Variants in PRDM15 observed in about 807,000 individuals in gnomAD.
PRDM15 encodes PR domain zinc finger protein 15.
A neutral mutation model predicts 128.6 loss-of-function variants in PRDM15; 64 were observed. That is an observed-to-expected ratio of 0.50 (90% CI 0.41 to 0.61). The LOEUF (loss-of-function observed/expected upper bound fraction) is 0.61, where lower values mean the gene tolerates loss of function less well. PRDM15 is among the 20% of genes least tolerant of loss of function. PRDM15 has a pLI of 0.00. For synonymous variants in PRDM15, 615 were observed against 621.8 expected (o/e 0.99, Z 0.16); for missense variants, 1,242 against 1,569.1 (o/e 0.79, Z 3.52).
At position 41,859,155 on chromosome 21, in the gene PRDM15, C is replaced by T. The variant is rs753312250; in HGVS notation, c.131+437G>A. 6.2e-7 allele frequency: 1 copy of T among 1,613,660 alleles called. No individual in the cohort carries two copies. Among genetic ancestry groups the T allele is most frequent in the Non-Finnish European group, 8.5e-7 (1 of 1,179,986 alleles). ...GCTTCTGGAAGCTGCTGTGGGTCAGCCCTGTCCCTGTCCTCATAACCCCGC... is the reference window on the plus strand; with the variant it reads ...GCTTCTGGAAGCTGCTGTGGGTCAGTCCTGTCCCTGTCCTCATAACCCCGC... On this transcript the variant is annotated intron_variant, in intron 3 of 23. Transcript: ENST00000398548. This position sits in a 1 kb window ranked among gnomAD's most constrained non-coding sequence, Gnocchi z 5.3.
Position 41,811,236 on chromosome 21 carries a change from A to G in PRDM15, c.2393-400T>C, listed in dbSNP as rs147483246. 73 of 191,380 alleles carry G rather than the reference A, an allele frequency of 3.8e-4. No homozygotes were observed. In the Middle Eastern group the frequency reaches 0.012, roughly 32 times the overall value. 11.9% of individuals were successfully genotyped at this position (191,380 alleles called of 1,614,324 possible). A position where few individuals can be genotyped will look rare whatever the true frequency, so the allele number is the denominator to read the frequency against. Reference sequence around the variant, plus strand: ...GAGAGAGGAAATGGTAACTGAAATCAGGACCAATGGCAAGGAGGACACAGA... The same window carrying G: ...GAGAGAGGAAATGGTAACTGAAATCGGGACCAATGGCAAGGAGGACACAGA... On this transcript the variant is annotated intron_variant, in intron 19 of 23. Coordinates refer to ENST00000398548, the MANE Select transcript of PRDM15 (RefSeq NM_001040424.3). This position sits in a 1 kb window ranked among gnomAD's most constrained non-coding sequence, Gnocchi z 4.1.
chr21:41,860,468 G>A (rs949545334), intron 1 of PRDM15, 96 bp from the exon 2 acceptor site: 8 of 1,051,022 alleles, frequency 7.6e-6, no homozygotes, highest in Non-Finnish European at 1.2e-5. Context: ...GCCCAGGATA[G>A]ATAGAGTACA....
At position 41,854,566 on chromosome 21, in the gene PRDM15, C is replaced by G. The variant is rs770085346; in HGVS notation, c.538G>C (p.Ala180Pro). ...MLKQAGSGVH[A>P]AGTPENSAPV... The stretch of plus-strand genomic sequence containing the variant: ...CTCCGGATCGGGGGCCGCCACATAC[C>G]GTGGACGCCAGAGCCGGCCTGCTTC... Residue 180 changes from alanine to proline, a missense_variant and splice_region_variant, in exon 5 of 24, where the codon GCT becomes CCT. Physicochemically the swap from Ala to Pro is conservative, Grantham distance 27. Around this residue, in one of 3 missense-constraint regions of PRDM15, gnomAD observed 612 missense variants for 717.0 expected, o/e 0.85. Transcript: ENST00000398548. This position sits in a 1 kb window ranked among gnomAD's most constrained non-coding sequence, Gnocchi z 4.6. 2.5e-6 allele frequency: 4 copies of G among 1,612,818 alleles called. No homozygotes were observed. The highest frequency in any genetic ancestry group is 3.3e-5 in the Admixed American group (2 of 60,024).
In PRDM15 at chr21:41,837,969, C is replaced by T; in HGVS notation, c.966G>A (p.Leu322=). The change falls in exon 8 of 24, where the codon CTG becomes CTA. Residue 322 remains leucine, a synonymous_variant. Transcript: ENST00000398548. The part of the protein sequence containing the change: ...ERIMELVLGK[L]ATTTTDTSSV... Reference sequence around the variant, plus strand: ...AGCTGGTGTCAGTGGTGGTGGTGGCCAGCTTCCCCAGAACCAGCTCCATGA... The same window carrying T: ...AGCTGGTGTCAGTGGTGGTGGTGGCTAGCTTCCCCAGAACCAGCTCCATGA... 1.2e-6 allele frequency: 2 copies of T among 1,614,198 alleles called. No homozygotes were observed.
At chr21:41,858,370 T>G (rs1268170788) in intron 3 of PRDM15, among the ~76,000 whole-genome samples, 8 of 133,796 alleles carry the variant, frequency 6.0e-5, no homozygotes, top group South Asian at 2.5e-4. Flanking sequence ...AGGCGGACAT[T>G]GGGTGCCCAG....
At chr21:41,805,266 G>A (rs920146112) in intron 21 of PRDM15, among the ~76,000 whole-genome samples, 5 of 152,162 alleles carry the variant, frequency 3.3e-5, no homozygotes, top group Non-Finnish European at 5.9e-5. Flanking sequence ...GACCTAATTA[G>A]ATCATAAGAA....
In PRDM15 at chr21:41,854,778, G is replaced by A. The variant is rs1568991386; in HGVS notation, c.326C>T (p.Ser109Phe). 1 of 1,609,190 alleles carries A rather than the reference G, an allele frequency of 6.2e-7. No homozygotes were observed. The highest frequency in any genetic ancestry group is 8.5e-7 in the Non-Finnish European group (1 of 1,176,344). ...KDGHPVCFDT[S>F]NEDDCNWMML... Reference sequence around the variant, plus strand: ...CATCCAGTTGCAGTCATCCTCGTTGGAGGTGTCGAAGCACACGGGGTGCCC... The same window carrying A: ...CATCCAGTTGCAGTCATCCTCGTTGAAGGTGTCGAAGCACACGGGGTGCCC... The change falls in exon 5 of 24, where the codon TCC (serine) becomes TTC (phenylalanine). Residue 109 changes from serine (S) to phenylalanine (F), a missense_variant. Around this residue, in one of 3 missense-constraint regions of PRDM15, gnomAD observed 612 missense variants for 717.0 expected, o/e 0.85. Coordinates refer to ENST00000398548, the MANE Select transcript of PRDM15 (RefSeq NM_001040424.3). The surrounding 1 kb of genome is among the most constrained non-coding windows in gnomAD (Gnocchi z 4.6).
intron 1 of PRDM15, chr21:41,871,725 C>G (rs1601490938): frequency 7.8e-7 from 1 of 1,282,212 alleles, no homozygotes; most frequent in Non-Finnish European, 1.1e-6. Flanking sequence ...TCTGTTGTTA[C>G]CACTGACAGC....
intron 1 of PRDM15, among the ~76,000 whole-genome samples, chr21:41,874,525 A>ATATTTTTTTTTTTTTT: frequency 1.0e-5 from 1 of 95,816 alleles, no homozygotes; most frequent in South Asian, 4.0e-4. Flanking sequence ...ATATATATAT[A>ATATTTTTTTTTTTTTT]TTTTTTTTTT....
intron 1 of PRDM15, among the ~76,000 whole-genome samples, chr21:41,874,525 A>ATATATATATATT: frequency 9.4e-5 from 9 of 95,816 alleles, no homozygotes; most frequent in South Asian, 8.0e-4. Context: ...ATATATATAT[A>ATATATATATATT]TTTTTTTTTT....
At position 41,815,670 on chromosome 21, in the gene PRDM15, C is replaced by T. The variant is rs370330787; in HGVS notation, c.2392+35G>A. ...CCACCTGGCTTCCCTACACAGTGAG[C>T]GCCGTGGCTGGCGCGGCCCGGGCCT... On this transcript the variant is annotated intron_variant, in intron 19 of 23. Coordinates refer to ENST00000398548, the MANE Select transcript of PRDM15 (RefSeq NM_001040424.3). 90 of 1,608,200 alleles carry T rather than the reference C, an allele frequency of 5.6e-5. No homozygotes were observed. In the African/African-American group the frequency reaches 6.5e-4, roughly 12 times the overall value.
At chr21:41,815,608 G>A (rs2062021590) in intron 19 of PRDM15, 97 bp downstream of exon 19, 10 of 1,497,408 alleles carry the variant, frequency 6.7e-6, no homozygotes, top group Non-Finnish European at 9.0e-6. Context: ...ATCACAAAGA[G>A]GAATCGTCTC....
chr21:41,840,442 C>CAAAAAAAAAAAAAAAAAAAAAAAAAA, intron 6 of PRDM15, among the ~76,000 whole-genome samples: 1 of 91,150 alleles, frequency 1.1e-5, no homozygotes, highest in Non-Finnish European at 2.2e-5. Flanking sequence ...AAGACTGTCT[C>CAAAAAAAAAAAAAAAAAAAAAAAAAA]AAAAAAAAAA....
Position 41,823,437 on chromosome 21 carries a change from G to A in PRDM15, c.1642C>T (p.Arg548Trp). 3.9e-6 allele frequency: 6 copies of A among 1,552,492 alleles called. No individual in the cohort carries two copies. The highest frequency in any genetic ancestry group is 1.7e-4 in the Middle Eastern group (1 of 5,950). The change falls in exon 14 of 24, where the codon CGG (arginine) becomes TGG (tryptophan). Residue 548 changes from arginine to tryptophan, a missense_variant. Around this residue, in one of 3 missense-constraint regions of PRDM15, gnomAD observed 28 missense variants for 63.8 expected, o/e 0.44. Coordinates refer to ENST00000398548, the MANE Select transcript of PRDM15 (RefSeq NM_001040424.3). ...CPVCGKVFSC[R>W]SNMNKHLLTH... ...AGCAGGTGCTTGTTCATATTGCTCC[G>A]GCAGGAGAACACCTGTGGCAGAGGA... is the stretch of plus-strand genomic sequence containing the variant.
intron 5 of PRDM15, among the ~76,000 whole-genome samples, chr21:41,849,060 A>G (rs1254413245): frequency 6.6e-6 from 1 of 152,254 alleles, no homozygotes; most frequent in Non-Finnish European, 1.5e-5. Flanking sequence ...AAAAGTAAGC[A>G]GTAAGATGGG....
At chr21:41,867,475 C>A in intron 1 of PRDM15, 1 of 938,936 alleles carries the variant, frequency 1.1e-6, no homozygotes, top group Admixed American at 2.1e-5. Flanking sequence ...CTATGTTGCC[C>A]AGGCTGGAGC....
At chr21:41,814,638 GC>G (rs2061981046) in intron 19 of PRDM15, 1 of 141,670 alleles carries the variant, frequency 7.1e-6, no homozygotes. Context: ...TTATGAGAAT[GC>G]CTTGTGTTAG....
chr21:41,877,762 T>C (rs1321136537), intron 1 of PRDM15: 1 of 152,266 alleles, frequency 6.6e-6, no homozygotes, highest in African/African-American at 2.4e-5. Flanking sequence ...TTTATTTGTC[T>C]TCTGGAGAAA....
At position 41,858,266 on chromosome 21, in the gene PRDM15, C is replaced by T. The variant is rs199633270; in HGVS notation, c.132-937G>A. Among the ~76,000 whole-genome samples, 95 of 152,376 alleles carry T rather than the reference C, an allele frequency of 6.2e-4. 2 individuals are homozygous for T. In the East Asian group the frequency reaches 0.017, roughly 27 times the overall value. ...TAGGAGCCGGGACGAGCCCAGGACA[C>T]GTCCAGGACAGAGGCGGACATGGGG... is the stretch of plus-strand genomic sequence containing the variant. On this transcript the variant is annotated intron_variant, in intron 3 of 23. Transcript: ENST00000398548.
Sources: allele counts gnomAD v4.1 joint callset (sites outside exome capture counted in the v4.1 genomes callset), GRCh38; gene constraint gnomAD v4.1.1; regional missense constraint gnomAD v4.1.1; non-coding constraint Gnocchi (gnomAD v3.1); transcripts MANE v1.5; gene names NCBI Gene and HGNC (gene_info 2026-07-23, HGNC 2026-07-21).